Variants in PALS2 observed in about 807,000 individuals in gnomAD.
PALS2 encodes the protein protein associated with LIN7 2, MAGUK p55 family member.
PALS2 carries 27 observed loss-of-function variants against 61.6 expected under a neutral mutation model. That is an observed-to-expected ratio of 0.44 (90% CI 0.32 to 0.60). The LOEUF (loss-of-function observed/expected upper bound fraction) is 0.60. Ranked by LOEUF, PALS2 falls within the 20% of genes least tolerant of loss-of-function variation. The probability of loss-of-function intolerance (pLI) is 0.05; values close to 1 mark genes in which losing one functional copy is unlikely to be tolerated. For missense variants in PALS2, 554 were observed against 639.4 expected (o/e 0.87, Z 1.44); for synonymous variants, 236 against 218.6 (o/e 1.08, Z -0.70).
At chr7:24,623,017 G>T (rs1784585396) in intron 1 of PALS2, among the ~76,000 whole-genome samples, 1 of 151,986 alleles carries the variant, frequency 6.6e-6, no homozygotes, top group South Asian at 2.1e-4. Context: ...CTGGGATAAA[G>T]TGAACTTGGC....
intron 5 of PALS2, among the ~76,000 whole-genome samples, chr7:24,656,883 T>G (rs1786448311): frequency 6.6e-6 from 1 of 152,148 alleles, no homozygotes; most frequent in Non-Finnish European, 1.5e-5. Context: ...TCCCTTTCTC[T>G]CTACCACCCC....
chr7:24,639,296 C>G (rs1785393929), intron 2 of PALS2, among the ~76,000 whole-genome samples: 1 of 152,138 alleles, frequency 6.6e-6, no homozygotes, highest in South Asian at 2.1e-4. Context: ...TGTTAGACTA[C>G]TTGACTCTGC....
chr7:24,623,785 G>GTA lies in PALS2; in HGVS notation c.117+6_117+7dup, dbSNP rs1784621511. On this transcript the variant is annotated splice_donor_variant, in intron 2 of 11. Transcript: ENST00000222644. LOFTEE classifies it high-confidence loss of function. ...TCCTATTGTAAAATCACTTGCTAAG[G>GTA]TATATAGATTTATTCATAAGATTAC... 6.6e-7 allele frequency: 1 copy of GTA among 1,513,426 alleles called. No individual in the cohort carries two copies. 93.7% of individuals were successfully genotyped at this position (1,513,426 alleles called of 1,614,324 possible). A position where few individuals can be genotyped will look rare whatever the true frequency, so the allele number is the denominator to read the frequency against.
Position 24,679,191 on chromosome 7 carries a change from G to C in PALS2, c.1175G>C (p.Arg392Pro). The change falls in exon 10 of 12, where the codon CGA (arginine) becomes CCA (proline). Residue 392 changes from arginine to proline, a missense_variant. Physicochemically the swap from Arg to Pro is moderately radical, Grantham distance 103 (BLOSUM62 -2). Coordinates refer to ENST00000222644, the MANE Select transcript of PALS2 (RefSeq NM_001303037.2). ...KDGQAYKFVS[R>P]SEMEADIKAG... ...GGCCAGGCATATAAGTTTGTGTCACGATCTGAGATGGAAGCAGATATTAAA... is the reference window on the plus strand; with the variant it reads ...GGCCAGGCATATAAGTTTGTGTCACCATCTGAGATGGAAGCAGATATTAAA... The C allele has an allele frequency of 6.2e-7, 1 of 1,614,022 alleles. No individual in the cohort carries two copies. The highest frequency in any genetic ancestry group is 1.1e-5 in the South Asian group (1 of 91,070).
chr7:24,586,701 A>G (rs1250868760), intron 1 of PALS2, among the ~76,000 whole-genome samples: 3 of 152,182 alleles, frequency 2.0e-5, no homozygotes, highest in African/African-American at 7.2e-5. Context: ...CATTAAAATG[A>G]TTTTTTAACA....
rs1005711362 is a variant in PALS2, at chr7:24,693,183, T to C, written c.*5569T>C. ...CCAATCAGAAGATTGAGTGATTTAC[T>C]GCTTGTAAAGCAACTGTCTTTGAAT... On this transcript the variant is annotated 3_prime_UTR_variant, in exon 12 of 12. Transcript: ENST00000222644. The C allele has an allele frequency of 6.6e-6, 1 of 152,228 alleles. No homozygotes were observed. Among genetic ancestry groups the C allele is most frequent in the African/African-American group, 2.4e-5 (1 of 41,466 alleles). 9.4% of individuals were successfully genotyped at this position (152,228 alleles called of 1,614,324 possible). A position where few individuals can be genotyped will look rare whatever the true frequency, so the allele number is the denominator to read the frequency against.
At chr7:24,677,035 A>C (rs918878863) in intron 9 of PALS2, among the ~76,000 whole-genome samples, 1 of 151,460 alleles carries the variant, frequency 6.6e-6, no homozygotes, top group African/African-American at 2.5e-5. Flanking sequence ...ATTTGTTTGT[A>C]TCCTCTTTTA....
intron 2 of PALS2, among the ~76,000 whole-genome samples, chr7:24,627,914 T>G (rs549479037): frequency 6.6e-6 from 1 of 152,052 alleles, no homozygotes; most frequent in Non-Finnish European, 1.5e-5. Context: ...ACCAGACAGA[T>G]TCACAGCCAG....
chr7:24,624,402 C>G (rs1251118278), intron 2 of PALS2, among the ~76,000 whole-genome samples: 3 of 152,102 alleles, frequency 2.0e-5, no homozygotes, highest in South Asian at 2.1e-4. Context: ...TTTCAAGAAT[C>G]TATGCCACAT....
At chr7:24,679,772 G>C (rs907873227) in intron 10 of PALS2, among the ~76,000 whole-genome samples, 1 of 151,884 alleles carries the variant, frequency 6.6e-6, no homozygotes, top group Non-Finnish European at 1.5e-5. Context: ...TTCCCACTCC[G>C]CTACACTCAG....
intron 2 of PALS2, among the ~76,000 whole-genome samples, chr7:24,624,605 C>CTTCTTTTTTTT (rs1554302487): frequency 0.22 from 18,676 of 85,540 alleles, 3,586 homozygotes; most frequent in East Asian, 0.42. Flanking sequence ...GCAGATTCTT[C>CTTCTTTTTTTT]TTTTTTTTTT....
In PALS2 at chr7:24,596,859, G is replaced by A. The variant is rs142387182; in HGVS notation, c.-3+23266G>A. Among the ~76,000 whole-genome samples, 790 of 152,234 alleles carry A rather than the reference G, an allele frequency of 5.2e-3. 10 individuals are homozygous for A. Among genetic ancestry groups the A allele is most frequent in the African/African-American group, 0.017 (723 of 41,544 alleles). On this transcript the variant is annotated intron_variant, in intron 1 of 11. Transcript: ENST00000222644. The surrounding 1 kb of genome is among the most constrained non-coding windows in gnomAD (Gnocchi z 4.5). ...GTTAAGAGGCTTTTAAAGTAGTCTA[G>A]GCAAGAGAATATTAGAAACTCTAAA...
intron 1 of PALS2, among the ~76,000 whole-genome samples, chr7:24,607,043 A>G (rs80304162): frequency 0.063 from 9,591 of 152,198 alleles, 350 homozygotes; most frequent in African/African-American, 0.093. Flanking sequence ...GTTGGTGCGC[A>G]AGAAATTTTG....
chr7:24,611,589 T>C (rs572940426), intron 1 of PALS2, among the ~76,000 whole-genome samples: 2 of 151,962 alleles, frequency 1.3e-5, no homozygotes, highest in African/African-American at 2.4e-5. Flanking sequence ...GAAAGGAAGT[T>C]GCACATTAAA....
chr7:24,607,410 G>T (rs1783939347), intron 1 of PALS2, among the ~76,000 whole-genome samples: 1 of 151,554 alleles, frequency 6.6e-6, no homozygotes, highest in African/African-American at 2.4e-5. Flanking sequence ...TGTATCCTTT[G>T]ATCTAGGAAT....
rs189205588 is a variant in PALS2, at chr7:24,639,534, A to G, written c.118-2182A>G. On this transcript the variant is annotated intron_variant, in intron 2 of 11. Transcript: ENST00000222644. The stretch of plus-strand genomic sequence containing the variant: ...TCCTTTGAAGCTTTCTTTTTATACT[A>G]TGTTAAAAGAATTGGAGTATTACAA... Among the ~76,000 whole-genome samples the G allele has an allele frequency of 7.2e-5, 11 of 152,044 alleles. No homozygotes were observed. In the East Asian group the frequency reaches 1.2e-3, roughly 16 times the overall value.
At chr7:24,664,796 A>C (rs1205578371) in intron 6 of PALS2, among the ~76,000 whole-genome samples, 2 of 151,932 alleles carry the variant, frequency 1.3e-5, no homozygotes, top group African/African-American at 4.8e-5. Flanking sequence ...TCCTTTATTG[A>C]ATTATTCCAG....
At chr7:24,600,400 A>C (rs551669025) in intron 1 of PALS2, among the ~76,000 whole-genome samples, 1 of 152,228 alleles carries the variant, frequency 6.6e-6, no homozygotes. Context: ...AATATCTTAC[A>C]TAACAAGATC....
At chr7:24,620,830 A>T (rs1784472178) in intron 1 of PALS2, among the ~76,000 whole-genome samples, 1 of 152,158 alleles carries the variant, frequency 6.6e-6, no homozygotes, top group African/African-American at 2.4e-5. Context: ...AAAGTTATAT[A>T]AGGTAGAAAG....
Sources: gnomAD v4.1 joint callset for allele counts (sites outside exome capture counted in the v4.1 genomes callset) on GRCh38, gnomAD v4.1.1 for gene constraint, Gnocchi (gnomAD v3.1) non-coding constraint, MANE v1.5 for transcripts, NCBI Gene and HGNC (gene_info 2026-07-23, HGNC 2026-07-21) for gene names.